TLL1: variants seen among roughly 807,000 people sequenced by gnomAD.
The protein encoded by TLL1 is tolloid-like protein 1.
Under a neutral mutation model 128.2 loss-of-function variants are expected in TLL1, and 49 were observed. That is an observed-to-expected ratio of 0.38 (90% CI 0.30 to 0.48). The LOEUF (loss-of-function observed/expected upper bound fraction) is 0.48. TLL1 is among the 20% of genes least tolerant of loss of function. The probability of loss-of-function intolerance (pLI) is 0.96; values close to 1 mark genes in which losing one functional copy is unlikely to be tolerated. For synonymous variants in TLL1, 454 were observed against 418.8 expected, an observed-to-expected ratio of 1.08 and a Z score of -1.03; for missense variants, 1,123 against 1,242.0, an observed-to-expected ratio of 0.90 and a Z score of 1.44.
chr4:165,978,489 C>T (rs561218917), intron 1 of TLL1, among the ~76,000 whole-genome samples: 94 of 152,154 alleles, frequency 6.2e-4, no homozygotes, highest in Non-Finnish European at 1.2e-3. Context: ...TCTTATAATA[C>T]ATACACAATC....
rs543602331 is a variant in TLL1 at position 166,025,230 on chromosome 4, CA to C, written c.1043-79del. On this transcript the variant is annotated intron_variant, in intron 8 of 20. Transcript: ENST00000061240. ...ACAAACATTTAGTCTTGTCTACTAC[CA>C]AAAAAACCCTTCATGGCTTTGTTTA... 3.4e-3 allele frequency: 3,317 copies of C among 977,668 alleles called. 17 individuals carry two copies. The highest frequency in any genetic ancestry group is 5.0e-3 in the Non-Finnish European group (3,039 of 611,248). 60.6% of individuals were successfully genotyped at this position (977,668 alleles called of 1,614,324 possible). A position where few individuals can be genotyped will look rare whatever the true frequency, so the allele number is the denominator to read the frequency against.
intron 1 of TLL1, among the ~76,000 whole-genome samples, chr4:165,929,852 G>C (rs566688723): frequency 6.6e-6 from 1 of 152,286 alleles, no homozygotes; most frequent in South Asian, 2.1e-4. Flanking sequence ...CAGACTATGT[G>C]AGAAGAAAAA....
rs1011184026 is a variant in TLL1, at chr4:165,994,526, C to T, written c.507C>T (p.Asn169=). ...GGVIPYVIGG[N]FTGSQRAMFK... ...TTATTCCTTATGTTATAGGAGGAAACTTCACTGGTAAGATACTCCCAGCAT... is the reference window on the plus strand; with the variant it reads ...TTATTCCTTATGTTATAGGAGGAAATTTCACTGGTAAGATACTCCCAGCAT... Residue 169 remains asparagine (N), a synonymous_variant, in exon 4 of 21, where the codon AAC becomes AAT. Coordinates refer to ENST00000061240, the MANE Select transcript of TLL1 (RefSeq NM_012464.5). 1.9e-6 allele frequency: 3 copies of T among 1,613,794 alleles called. No homozygotes were observed. The African/African-American group carries it at 4.0e-5, about 22-fold the overall frequency.
At chr4:165,963,334 G>C (rs573059276) in intron 1 of TLL1, among the ~76,000 whole-genome samples, 1 of 151,902 alleles carries the variant, frequency 6.6e-6, no homozygotes, top group African/African-American at 2.4e-5. Flanking sequence ...AATAAAAGTT[G>C]AACAAAAAAA....
At chr4:166,098,784 C>G (rs943709789) in intron 19 of TLL1, among the ~76,000 whole-genome samples, 6 of 151,194 alleles carry the variant, frequency 4.0e-5, no homozygotes, top group African/African-American at 1.5e-4. Flanking sequence ...TTACTTCTTA[C>G]TTCTTTGCAT....
intron 1 of TLL1, among the ~76,000 whole-genome samples, chr4:165,878,574 A>AT (rs141829774): frequency 0.021 from 3,218 of 150,648 alleles, 106 homozygotes; most frequent in African/African-American, 0.069. Context: ...AAAAAGATAG[A>AT]TTTTTTTTTT....
chr4:166,040,330 G>GT (rs199678465), intron 10 of TLL1, among the ~76,000 whole-genome samples: 1,818 of 152,264 alleles, frequency 0.012, 15 homozygotes, highest in Non-Finnish European at 0.019. Context: ...AACTAATGTG[G>GT]TAAGTCAGGT....
intron 1 of TLL1, among the ~76,000 whole-genome samples, chr4:165,951,173 T>C (rs938549764): frequency 6.6e-6 from 1 of 152,160 alleles, no homozygotes; most frequent in Non-Finnish European, 1.5e-5. Flanking sequence ...ATTTGAAAGA[T>C]GTAAACTACA....
At chr4:166,039,199 A>C (rs773178553) in intron 9 of TLL1, 140 bp from the exon 10 acceptor site, 16 of 645,724 alleles carry the variant, frequency 2.5e-5, no homozygotes, top group Non-Finnish European at 4.1e-5. Context: ...AAAAACTATT[A>C]GGATAATTAT....
chr4:165,932,030 C>G (rs188503492), intron 1 of TLL1, among the ~76,000 whole-genome samples: 4 of 152,282 alleles, frequency 2.6e-5, no homozygotes, highest in Admixed American at 2.6e-4. Context: ...AGGTGATAAG[C>G]AGATGTTTGC....
At chr4:166,018,724 C>G (rs189159262) in intron 8 of TLL1, among the ~76,000 whole-genome samples, 40 of 151,822 alleles carry the variant, frequency 2.6e-4, no homozygotes, top group African/African-American at 9.4e-4. Flanking sequence ...TGCTAAACAT[C>G]AGAGAAATGC....
chr4:165,908,653 A>G (rs1045023072), intron 1 of TLL1, among the ~76,000 whole-genome samples: 5 of 152,078 alleles, frequency 3.3e-5, no homozygotes, highest in Middle Eastern at 3.4e-3. Context: ...AATTCAGGTA[A>G]AGGAGGTTGG....
At chr4:165,976,765 T>G (rs1735902532) in intron 1 of TLL1, among the ~76,000 whole-genome samples, 1 of 152,186 alleles carries the variant, frequency 6.6e-6, no homozygotes, top group Non-Finnish European at 1.5e-5. Context: ...GGGATAGAGG[T>G]TCTTTACATG....
intron 6 of TLL1, among the ~76,000 whole-genome samples, chr4:166,006,361 AC>A (rs1663912363): frequency 6.6e-6 from 1 of 151,816 alleles, no homozygotes. Context: ...TTTTTAACTA[AC>A]AAAAATTGTT....
chr4:165,882,579 G>A (rs1561004212), intron 1 of TLL1, among the ~76,000 whole-genome samples: 1 of 152,042 alleles, frequency 6.6e-6, no homozygotes, highest in South Asian at 2.1e-4. Context: ...ACGGGTAAAG[G>A]AAATAATGAC....
chr4:165,981,867 C>A (rs1384892068), intron 1 of TLL1, among the ~76,000 whole-genome samples: 2 of 152,014 alleles, frequency 1.3e-5, no homozygotes, highest in East Asian at 1.9e-4. Context: ...ATTGCAGGCA[C>A]CATCCCTGTT....
chr4:166,030,606 C>A, intron 9 of TLL1: 1 of 613,420 alleles, frequency 1.6e-6, no homozygotes, highest in Non-Finnish European at 2.5e-6. Flanking sequence ...AGTTTTTACC[C>A]TGTGTTTTCT....
At chr4:166,055,030 G>A (rs749073387) in intron 12 of TLL1, 46 bp from the exon 13 acceptor site, 58 of 1,521,434 alleles carry the variant, frequency 3.8e-5, no homozygotes, top group East Asian at 9.2e-5. Flanking sequence ...TATATAAAAT[G>A]TTTTATCTAT....
At chr4:166,082,908 C>T (rs1741357650) in intron 18 of TLL1, among the ~76,000 whole-genome samples, 1 of 152,058 alleles carries the variant, frequency 6.6e-6, no homozygotes, top group Non-Finnish European at 1.5e-5. Flanking sequence ...AACTCCTGAC[C>T]TCAGGTGATC....
Sources: allele counts gnomAD v4.1 joint callset (sites outside exome capture counted in the v4.1 genomes callset), GRCh38; gene constraint gnomAD v4.1.1; transcripts MANE v1.5; gene names NCBI Gene and HGNC (gene_info 2026-07-23, HGNC 2026-07-21).